LILRB5: variants seen among roughly 807,000 people sequenced by gnomAD.
The protein encoded by LILRB5 is leukocyte immunoglobulin like receptor B5.
A neutral mutation model predicts 68.4 loss-of-function variants in LILRB5; 61 were observed. That is an observed-to-expected ratio of 0.89 (90% CI 0.73 to 1.10). The LOEUF (loss-of-function observed/expected upper bound fraction) is 1.10, where lower values mean the gene tolerates loss of function less well. Among genes scored for constraint, LILRB5 ranks in the 50% least tolerant of loss-of-function variants. The pLI, the probability that LILRB5 is intolerant of heterozygous loss-of-function variation, is 0.00. For missense variants in LILRB5, 771 were observed against 751.6 expected (o/e 1.03, Z -0.30); for synonymous variants, 356 against 315.8 (o/e 1.13, Z -1.35).
intron 12 of LILRB5, chr19:54,251,451 G>A (rs1305716335): frequency 2.9e-5 from 16 of 554,448 alleles, no homozygotes; most frequent in South Asian, 1.8e-4. Flanking sequence ...GCAGGGGCTC[G>A]TCCATCAGAG....
In LILRB5 at chr19:54,250,555, C is replaced by A. The variant is rs1244174455; in HGVS notation, c.*231G>T. On this transcript the variant is annotated 3_prime_UTR_variant, in exon 13 of 13. Coordinates refer to ENST00000449561, the MANE Select transcript of LILRB5 (RefSeq NM_001081442.3). ...GCTCTAATTTCTGTTTCAGTTTTCT[C>A]AGCTCATTGATTTATTGAGAAGTCT... The A allele has an allele frequency of 7.4e-6, 4 of 542,096 alleles. No individual in the cohort carries two copies. The East Asian group carries it at 1.2e-4, about 16-fold the overall frequency. The allele number at this position is 542,096 out of a possible 1,614,324, so 33.6% of individuals were successfully genotyped here.
chr19:54,253,617 C>T (rs1052513980), intron 8 of LILRB5: 2 of 516,154 alleles, frequency 3.9e-6, no homozygotes, highest in Non-Finnish European at 3.5e-6. Context: ...AGCCAGTTTA[C>T]AGCTGCTGAA....
intron 11 of LILRB5, 104 bp downstream of exon 11, chr19:54,252,262 C>G: frequency 6.9e-7 from 1 of 1,447,596 alleles, no homozygotes. Flanking sequence ...ACCGCCTCCC[C>G]CTTGGCCCCA....
At position 54,249,439 on chromosome 19, in the gene LILRB5, T is replaced by C. The variant is rs1288751990; in HGVS notation, c.*1347A>G. 2 of 151,996 alleles carry C rather than the reference T, an allele frequency of 1.3e-5. No individual in the cohort carries two copies. Among genetic ancestry groups the C allele is most frequent in the African/African-American group, 2.4e-5 (1 of 41,384 alleles). The allele number at this position is 151,996 out of a possible 1,614,324, so 9.4% of individuals were successfully genotyped here. On this transcript the variant is annotated 3_prime_UTR_variant, in exon 13 of 13. Transcript: ENST00000449561. Reference sequence around the variant, plus strand: ...AAAATAATTAGAAGACATAGAAAAATCAGATTTAATGAACACAATCAAAAT... The same window carrying C: ...AAAATAATTAGAAGACATAGAAAAACCAGATTTAATGAACACAATCAAAAT...
In LILRB5 at chr19:54,256,201, A is replaced by G. The variant is rs1031352097; in HGVS notation, c.497T>C (p.Leu166Pro). 6.2e-7 allele frequency: 1 copy of G among 1,613,998 alleles called. No individual in the cohort carries two copies. Among genetic ancestry groups the G allele is most frequent in the Non-Finnish European group, 8.5e-7 (1 of 1,179,972 alleles). The change falls in exon 4 of 13, where the codon CTG becomes CCG. Residue 166 changes from leucine (L) to proline (P), a missense_variant. Leu to Pro is a moderately conservative substitution (Grantham distance 98, BLOSUM62 -3). Transcript: ENST00000449561. ...VEEEQKLPRT[L>P]YSQKLPKGPS... is the part of the protein sequence containing the mutation. ...CCCTTTGGGGAGCTTCTGTGAGTAC[A>G]GGGTCCTGGGGAGCTTCTGTTCTTC...
chr19:54,252,440 G>A (rs1475996099), intron 10 of LILRB5, 37 bp from the exon 11 acceptor site: 10 of 1,614,066 alleles, frequency 6.2e-6, no homozygotes, highest in Non-Finnish European at 8.5e-6. Context: ...GGCAGTGAGG[G>A]GGCTGTGCGG....
rs757033605 is a variant in LILRB5, at chr19:54,252,532, C to T, written c.1492G>A (p.Ala498Thr). The change falls in exon 10 of 13, where the codon GCA becomes ACA. Residue 498 changes from alanine to threonine, a missense_variant. Physicochemically the swap from Ala to Thr is moderately conservative, Grantham distance 58 (BLOSUM62 0). Transcript: ENST00000449561. The stretch of plus-strand genomic sequence containing the variant: ...TTGGGCTCTGGCCCCGCAGCCCCTG[C>T]AGGACGGTAGAAATGGGCTGGACAG... ...HRTSAHFYRP[A>T]GAAGPEPKDQ... is the part of the protein sequence containing the mutation. 1 of 1,614,038 alleles carries T rather than the reference C, an allele frequency of 6.2e-7. No homozygotes were observed. The highest frequency in any genetic ancestry group is 2.2e-5 in the East Asian group (1 of 44,882).
chr19:54,255,902 C>A, intron 4 of LILRB5, 141 bp downstream of exon 4: 3 of 737,018 alleles, frequency 4.1e-6, no homozygotes, highest in Non-Finnish European at 4.4e-6. Flanking sequence ...TCTGAGCCTC[C>A]CCGTGGGGTC....
In LILRB5 at chr19:54,252,282, C is replaced by A. The variant is rs1267137283; in HGVS notation, c.1576+84G>T. ...CTCCCCCTTGGCCCCAGACCCCCCC[C>A]AGCCTGTGCTCCTGCCCCCATTGCT... On this transcript the variant is annotated intron_variant, in intron 11 of 12. Transcript: ENST00000449561. 11 of 1,520,254 alleles carry A rather than the reference C, an allele frequency of 7.2e-6. No homozygotes were observed. In the East Asian group the frequency reaches 2.3e-4, roughly 31 times the overall value. The allele number at this position is 1,520,254 out of a possible 1,614,324, so 94.2% of individuals were successfully genotyped here. A position where few individuals can be genotyped will look rare whatever the true frequency, so the allele number is the denominator to read the frequency against.
intron 1 of LILRB5, 22 bp downstream of exon 1, chr19:54,257,138 C>G (rs1469202499): frequency 1.2e-6 from 2 of 1,614,162 alleles, no homozygotes; most frequent in South Asian, 1.1e-5. Flanking sequence ...GGGGACCTTC[C>G]TTCCCCCTCT....
rs772527412 is a variant in LILRB5, at chr19:54,252,852, TC to T, written c.1474+18del. On this transcript the variant is annotated intron_variant, in intron 9 of 12. Coordinates refer to ENST00000449561, the MANE Select transcript of LILRB5 (RefSeq NM_001081442.3). ...GCCCACCCTCGGTCGGCCCACGGGT[TC>T]CCCCATTCCCTACTCACCCGATGTC... The T allele has an allele frequency of 6.3e-7, 1 of 1,598,052 alleles. No individual in the cohort carries two copies. The highest frequency in any genetic ancestry group is 1.7e-5 in the Admixed American group (1 of 59,200).
chr19:54,255,772 C>T (rs2079120242), intron 4 of LILRB5, 190 bp from the exon 5 acceptor site: 2 of 765,964 alleles, frequency 2.6e-6, no homozygotes, highest in South Asian at 1.9e-5. Context: ...TGACTCCTGG[C>T]CACTGTCTGT....
Position 54,255,370 on chromosome 19 carries a change from C to G in LILRB5, c.868G>C (p.Gly290Arg). The G allele has an allele frequency of 1.2e-6, 2 of 1,614,088 alleles. No homozygotes were observed. The highest frequency in any genetic ancestry group is 1.3e-5 in the African/African-American group (1 of 75,032). Reference protein sequence around the residue: ...FTLGPVSRSHGGQYRCYGAHN... With the variant: ...FTLGPVSRSHRGQYRCYGAHN... ...GCACCGTAGCATCTGTACTGGCCCC[C>G]GTGGGAGCGGCTCACAGGGCCCAGG... The change falls in exon 5 of 13, where the codon GGG becomes CGG. Residue 290 changes from glycine to arginine, a missense_variant. Transcript: ENST00000449561.
chr19:54,250,672 T>G lies in LILRB5; in HGVS notation c.*114A>C. On this transcript the variant is annotated 3_prime_UTR_variant, in exon 13 of 13. Coordinates refer to ENST00000449561, the MANE Select transcript of LILRB5 (RefSeq NM_001081442.3). ...GTTCCCAGGATGTCCTGGTGGTCTT[T>G]GTTAGGGGTCCAGGCTGGCTGGGGT... is the stretch of plus-strand genomic sequence containing the variant. 2 of 1,345,452 alleles carry G rather than the reference T, an allele frequency of 1.5e-6. No individual in the cohort carries two copies. Among genetic ancestry groups the G allele is most frequent in the Non-Finnish European group, 2.1e-6 (2 of 971,860 alleles). 83.3% of individuals were successfully genotyped at this position (1,345,452 alleles called of 1,614,324 possible).
chr19:54,255,239 A>G (rs393600), intron 5 of LILRB5, 47 bp downstream of exon 5: 397,249 of 1,593,300 alleles, frequency 0.25, 51,742 homozygotes, highest in Non-Finnish European at 0.27. Flanking sequence ...CCCCGGCAGG[A>G]CCTGTGCAGA....
intron 3 of LILRB5, 73 bp downstream of exon 3, chr19:54,256,416 G>A: frequency 1.3e-6 from 2 of 1,594,428 alleles, no homozygotes; most frequent in Non-Finnish European, 1.7e-6. Flanking sequence ...GCTGTGAGAG[G>A]TAGACGTCCC....
Position 54,255,511 on chromosome 19 carries a change from G to GCAGGGTCAGGCTGCCTC in LILRB5, c.710_726dup (p.Gln243GlufsTer4). On this transcript the variant is annotated stop_gained and frameshift_variant, in exon 5 of 13. Coordinates refer to ENST00000449561, the MANE Select transcript of LILRB5 (RefSeq NM_001081442.3). LOFTEE classifies it high-confidence loss of function. ...TCATAGCCGACATCAGAGCGACACT[G>GCAGGGTCAGGCTGCCTC]CAGGGTCAGGCTGCCTCCGCGGGCC... is the stretch of plus-strand genomic sequence containing the variant. 1.2e-6 allele frequency: 2 copies of GCAGGGTCAGGCTGCCTC among 1,614,014 alleles called. No homozygotes were observed. The highest frequency in any genetic ancestry group is 1.7e-6 in the Non-Finnish European group (2 of 1,179,948).
At chr19:54,254,641 C>A (rs117301131) in intron 6 of LILRB5, 94 bp downstream of exon 6, 6 of 1,502,144 alleles carry the variant, frequency 4.0e-6, no homozygotes, top group South Asian at 1.2e-5. Flanking sequence ...ACCCTCCCCC[C>A]CGCACCGCGA....
At position 54,249,541 on chromosome 19, in the gene LILRB5, T is replaced by G. The variant is rs2078885786; in HGVS notation, c.*1245A>C. On this transcript the variant is annotated 3_prime_UTR_variant, in exon 13 of 13. Transcript: ENST00000449561. The stretch of plus-strand genomic sequence containing the variant: ...AAACAAAACAGAATTTTTTTTAGAG[T>G]GTAGCATAGAAACTTTATAAATTGC... The G allele has an allele frequency of 6.6e-6, 1 of 151,912 alleles. No individual in the cohort carries two copies. Among genetic ancestry groups the G allele is most frequent in the Non-Finnish European group, 1.5e-5 (1 of 67,976 alleles). 9.4% of individuals were successfully genotyped at this position (151,912 alleles called of 1,614,324 possible).
Sources: gnomAD v4.1 joint callset for allele counts on GRCh38, gnomAD v4.1.1 for gene constraint, MANE v1.5 for transcripts, NCBI Gene and HGNC (gene_info 2026-07-23, HGNC 2026-07-21) for gene names.